Variants in AKT3 observed in about 807,000 individuals in gnomAD.
AKT3 encodes the protein RAC-gamma serine/threonine-protein kinase.
Under a neutral mutation model 65.3 loss-of-function variants are expected in AKT3, and 15 were observed. The observed-to-expected ratio is 0.23, with a 90% CI of 0.15 to 0.35. AKT3 has a LOEUF of 0.35. AKT3 is among the 10% of genes least tolerant of loss of function. The probability of loss-of-function intolerance (pLI) is 1.00; values close to 1 mark genes in which losing one functional copy is unlikely to be tolerated. For missense variants in AKT3, 243 were observed against 576.5 expected, an observed-to-expected ratio of 0.42 and a Z score of 5.92; for synonymous variants, 206 against 183.8, an observed-to-expected ratio of 1.12 and a Z score of -0.98.
intron 2 of AKT3, among the ~76,000 whole-genome samples, chr1:243,717,416 G>A (rs1686581578): frequency 6.6e-6 from 1 of 151,962 alleles, no homozygotes; most frequent in Non-Finnish European, 1.5e-5. Context: ...GGGTTCCAAT[G>A]GTCATTGTCA....
chr1:243,810,367 A>G lies in AKT3; in HGVS notation c.46+32758T>C, dbSNP rs1047230759. The stretch of plus-strand genomic sequence containing the variant: ...ATATCACCACCGATCTCACAGAAAT[A>G]CAAACTACTATCAGAGAATACTATA... On this transcript the variant is annotated intron_variant, in intron 2 of 13. Transcript: ENST00000673466. Among the ~76,000 whole-genome samples the G allele has an allele frequency of 2.0e-5, 3 of 152,348 alleles. No homozygotes were observed. In the South Asian group the frequency reaches 6.2e-4, roughly 32 times the overall value.
intron 8 of AKT3, among the ~76,000 whole-genome samples, chr1:243,609,820 A>C (rs951460376): frequency 1.3e-5 from 2 of 152,220 alleles, no homozygotes; most frequent in African/African-American, 4.8e-5. Flanking sequence ...CTTTTAGTGT[A>C]AAATTTTTTT....
chr1:243,705,137 T>C (rs969037930), intron 2 of AKT3, among the ~76,000 whole-genome samples: 5 of 152,258 alleles, frequency 3.3e-5, no homozygotes, highest in African/African-American at 4.8e-5. Context: ...GCATAATGCA[T>C]GAACTTGTCA....
chr1:243,682,743 G>A (rs1159784700), intron 3 of AKT3, among the ~76,000 whole-genome samples: 1 of 152,116 alleles, frequency 6.6e-6, no homozygotes, highest in Non-Finnish European at 1.5e-5. Flanking sequence ...AAGATGAAAA[G>A]AAATTCAGCC....
chr1:243,828,054 G>T (rs1037872755), intron 2 of AKT3, among the ~76,000 whole-genome samples: 1 of 114,468 alleles, frequency 8.7e-6, no homozygotes, highest in Non-Finnish European at 1.8e-5. Context: ...AGCATCTGAA[G>T]AATGTTTTAA....
At chr1:243,641,229 C>T (rs1362842954) in intron 5 of AKT3, among the ~76,000 whole-genome samples, 1 of 149,756 alleles carries the variant, frequency 6.7e-6, no homozygotes, top group African/African-American at 2.5e-5. Flanking sequence ...TTTAATACTC[C>T]TTAATAAACT....
At chr1:243,823,591 T>C (rs1482937053) in intron 2 of AKT3, among the ~76,000 whole-genome samples, 1 of 152,154 alleles carries the variant, frequency 6.6e-6, no homozygotes, top group Non-Finnish European at 1.5e-5. Context: ...ATAAAATCAA[T>C]GTGTAAAAAT....
chr1:243,608,743 CTTTT>C (rs566574203), intron 8 of AKT3, among the ~76,000 whole-genome samples: 2 of 70,804 alleles, frequency 2.8e-5, no homozygotes, highest in Non-Finnish European at 4.8e-5. Flanking sequence ...AAGTTTTTTG[CTTTT>C]TTTTTTTTTT....
At chr1:243,699,571 G>A (rs973091538) in intron 2 of AKT3, among the ~76,000 whole-genome samples, 1 of 145,922 alleles carries the variant, frequency 6.9e-6, no homozygotes. Flanking sequence ...CTATACCTAT[G>A]TTGAAGTATG....
At chr1:243,681,287 A>G (rs1428185007) in intron 3 of AKT3, among the ~76,000 whole-genome samples, 1 of 152,194 alleles carries the variant, frequency 6.6e-6, no homozygotes, top group Non-Finnish European at 1.5e-5. Context: ...AAGGTACTCA[A>G]CAAGTGGTAA....
intron 2 of AKT3, among the ~76,000 whole-genome samples, chr1:243,802,037 A>G (rs1458440445): frequency 6.6e-6 from 1 of 152,218 alleles, no homozygotes; most frequent in Non-Finnish European, 1.5e-5. Context: ...TACACTAAAA[A>G]GTTTGCATAC....
intron 2 of AKT3, among the ~76,000 whole-genome samples, chr1:243,759,330 A>T (rs559936873): frequency 5.8e-4 from 28 of 48,608 alleles, no homozygotes; most frequent in East Asian, 1.7e-3. Context: ...ACCAAAAAAT[A>T]AAATTAAATT....
chr1:243,529,013 T>C (rs1671340101), intron 12 of AKT3, among the ~76,000 whole-genome samples: 1 of 152,236 alleles, frequency 6.6e-6, no homozygotes, highest in African/African-American at 2.4e-5. Flanking sequence ...TGTGAGATGG[T>C]ATCTCACAGT....
chr1:243,554,732 C>T (rs1673297498), intron 10 of AKT3, among the ~76,000 whole-genome samples: 1 of 151,844 alleles, frequency 6.6e-6, no homozygotes, highest in South Asian at 2.1e-4. Flanking sequence ...CCTACAACAC[C>T]AACACAACAG....
rs1444859766 is a variant in AKT3, at chr1:243,500,449, C to T, written c.*4800G>A. ...GCAGTATTTGAGAGGAGCCTAAAAA[C>T]GTACTTAGTGAAATTAGAAAATTTA... On this transcript the variant is annotated 3_prime_UTR_variant, in exon 14 of 14. Coordinates refer to ENST00000673466, the MANE Select transcript of AKT3 (RefSeq NM_005465.7). The T allele has an allele frequency of 2.7e-5, 6 of 225,348 alleles. No individual in the cohort carries two copies. Among genetic ancestry groups the T allele is most frequent in the Non-Finnish European group, 4.4e-5 (5 of 113,454 alleles). The allele number at this position is 225,348 out of a possible 1,614,324, so 14.0% of individuals were successfully genotyped here.
intron 6 of AKT3, among the ~76,000 whole-genome samples, chr1:243,623,028 G>A (rs546088223): frequency 6.6e-6 from 1 of 152,298 alleles, no homozygotes; most frequent in Admixed American, 6.5e-5. Flanking sequence ...TTCAGAACTG[G>A]CGCCGTTGGC....
intron 2 of AKT3, among the ~76,000 whole-genome samples, chr1:243,776,733 T>C (rs913899655): frequency 1.3e-5 from 2 of 152,206 alleles, no homozygotes; most frequent in African/African-American, 2.4e-5. Flanking sequence ...GAGATAGTGA[T>C]AGGGCCAGAA....
intron 2 of AKT3, among the ~76,000 whole-genome samples, chr1:243,795,652 T>C (rs1691950795): frequency 6.6e-6 from 1 of 150,900 alleles, no homozygotes. Context: ...TTTGTATTTT[T>C]AGTAGAGACG....
At chr1:243,636,498 C>G (rs1466020656) in intron 6 of AKT3, among the ~76,000 whole-genome samples, 1 of 151,974 alleles carries the variant, frequency 6.6e-6, no homozygotes, top group Non-Finnish European at 1.5e-5. Context: ...ATGCTAAATA[C>G]CTTACATATC....
Sources: allele counts gnomAD v4.1 joint callset (sites outside exome capture counted in the v4.1 genomes callset), GRCh38; gene constraint gnomAD v4.1.1; transcripts MANE v1.5; gene names NCBI Gene and HGNC (gene_info 2026-07-23, HGNC 2026-07-21).